The following SHANK2 variants were observed in gnomAD, a reference collection of about 807,000 sequenced individuals.
SHANK2 encodes SH3 and multiple ankyrin repeat domains protein 2.
In SHANK2, 43 loss-of-function variants were observed where a neutral mutation model predicts 133.7. That is an observed-to-expected ratio of 0.32 (90% confidence interval 0.25 to 0.41). SHANK2 has a LOEUF of 0.41. Among genes scored for constraint, SHANK2 ranks in the 10% least tolerant of loss-of-function variants. The probability of loss-of-function intolerance (pLI) is 1.00; values close to 1 mark genes in which losing one functional copy is unlikely to be tolerated. For missense variants in SHANK2, 1,994 were observed against 2,235.8 expected (o/e 0.89, Z 2.18); for synonymous variants, 1,017 against 952.8 (o/e 1.07, Z -1.24).
At chr11:70,608,515 C>A (rs1565175020) in intron 17 of SHANK2, among the ~76,000 whole-genome samples, 1 of 152,192 alleles carries the variant, frequency 6.6e-6, no homozygotes. Context: ...CCCTGAGCCT[C>A]AGCTTCTTCA....
At chr11:70,675,397 G>A (rs143703821) in intron 15 of SHANK2, among the ~76,000 whole-genome samples, 196 of 152,286 alleles carry the variant, frequency 1.3e-3, no homozygotes, top group African/African-American at 4.6e-3. Flanking sequence ...ACTTTACAGG[G>A]GAGCAAATAA....
At position 71,188,179 on chromosome 11, in the gene SHANK2, C is replaced by T. The variant is rs559229530; in HGVS notation, c.-13+36518G>A. Among the ~76,000 whole-genome samples, 6 of 152,192 alleles carry T rather than the reference C, an allele frequency of 3.9e-5. No homozygotes were observed. Among genetic ancestry groups the T allele is most frequent in the Non-Finnish European group, 7.3e-5 (5 of 68,040 alleles). On this transcript the variant is annotated intron_variant, in intron 2 of 25. Transcript: ENST00000601538. The surrounding 1 kb of genome is among the most constrained non-coding windows in gnomAD (Gnocchi z 4.6). ...CCGTTTTCCCAGCCACTCCTGAGAC[C>T]TGGTGATCTTGCCACCTCCATCTCT... is the stretch of plus-strand genomic sequence containing the variant.
chr11:71,109,053 A>T (rs782578356), intron 6 of SHANK2, among the ~76,000 whole-genome samples: 10 of 152,206 alleles, frequency 6.6e-5, no homozygotes, highest in Non-Finnish European at 1.0e-4. Context: ...TGACACCAGT[A>T]TGTGATGATG....
intron 17 of SHANK2, among the ~76,000 whole-genome samples, chr11:70,550,016 G>A (rs530073319): frequency 3.9e-5 from 6 of 152,160 alleles, no homozygotes; most frequent in Non-Finnish European, 8.8e-5. Flanking sequence ...TAGCCTCCCC[G>A]GTCCCCCAGA....
intron 17 of SHANK2, among the ~76,000 whole-genome samples, chr11:70,584,032 C>A (rs782398317): frequency 6.6e-5 from 10 of 152,192 alleles, no homozygotes; most frequent in Non-Finnish European, 1.3e-4. Flanking sequence ...CGCGAGCATG[C>A]TCCTCAAGGT....
At chr11:70,834,322 G>T (rs1480029398) in intron 11 of SHANK2, among the ~76,000 whole-genome samples, 1 of 152,206 alleles carries the variant, frequency 6.6e-6, no homozygotes, top group Non-Finnish European at 1.5e-5. Context: ...AAATACACAG[G>T]AGGTGGCTCT....
chr11:71,178,615 G>C (rs1017468502), intron 2 of SHANK2, among the ~76,000 whole-genome samples: 1 of 152,144 alleles, frequency 6.6e-6, no homozygotes. Context: ...AATTTAAAAA[G>C]TCTTTAAAAA....
chr11:71,153,405 T>C (rs1952838467), intron 2 of SHANK2, among the ~76,000 whole-genome samples: 1 of 152,042 alleles, frequency 6.6e-6, no homozygotes. Context: ...GAAAAGAAAA[T>C]CATCACAGTC....
chr11:70,563,091 G>A (rs972393734), intron 17 of SHANK2, among the ~76,000 whole-genome samples: 4 of 152,092 alleles, frequency 2.6e-5, no homozygotes, highest in South Asian at 2.1e-4. Flanking sequence ...GCATGGTCTC[G>A]ATCTCTTGAT....
intron 17 of SHANK2, among the ~76,000 whole-genome samples, chr11:70,521,260 A>T (rs2059326750): frequency 6.6e-6 from 1 of 152,170 alleles, no homozygotes; most frequent in South Asian, 2.1e-4. Context: ...TCATCTATCC[A>T]TCTATCATTA....
intron 14 of SHANK2, among the ~76,000 whole-genome samples, chr11:70,764,760 C>T (rs902059576): frequency 2.0e-5 from 3 of 151,952 alleles, no homozygotes; most frequent in Non-Finnish European, 4.4e-5. Context: ...ACACATCTGT[C>T]CATCCACTCA....
chr11:70,843,747 C>T (rs1948952143), intron 11 of SHANK2, among the ~76,000 whole-genome samples: 1 of 152,076 alleles, frequency 6.6e-6, no homozygotes, highest in Non-Finnish European at 1.5e-5. Flanking sequence ...ACCTGCAGGG[C>T]TCTCTGCACA....
intron 9 of SHANK2, among the ~76,000 whole-genome samples, chr11:71,069,847 G>C (rs1174254801): frequency 6.6e-6 from 1 of 152,170 alleles, no homozygotes; most frequent in Non-Finnish European, 1.5e-5. Flanking sequence ...TCCCATCCCT[G>C]AACAGTCTGT....
intron 13 of SHANK2, among the ~76,000 whole-genome samples, chr11:70,806,775 G>A (rs1163178949): frequency 3.9e-5 from 6 of 152,226 alleles, no homozygotes; most frequent in African/African-American, 9.6e-5. Flanking sequence ...CCCAGTGGAC[G>A]TGTCCCCTTC....
chr11:70,551,706 T>A (rs1554978089), intron 17 of SHANK2, among the ~76,000 whole-genome samples: 1 of 152,244 alleles, frequency 6.6e-6, no homozygotes, highest in East Asian at 1.9e-4. Flanking sequence ...ATATGCTCCA[T>A]CAACATGAAG....
intron 8 of SHANK2, among the ~76,000 whole-genome samples, chr11:71,087,562 C>A (rs1951435455): frequency 6.6e-6 from 1 of 152,304 alleles, no homozygotes; most frequent in East Asian, 1.9e-4. Context: ...CTGGAAAACA[C>A]AAATTCAAGC....
intron 14 of SHANK2, among the ~76,000 whole-genome samples, chr11:70,712,014 G>C (rs949880142): frequency 6.6e-6 from 1 of 152,188 alleles, no homozygotes; most frequent in East Asian, 1.9e-4. Context: ...TTACAGAGCT[G>C]CAGGCTGGAA....
Position 70,709,696 on chromosome 11 carries a change from C to T in SHANK2, c.1778-10933G>A, listed in dbSNP as rs143377618. Among the ~76,000 whole-genome samples the T allele has an allele frequency of 3.0e-4, 45 of 152,224 alleles. No homozygotes were observed. In the Middle Eastern group the frequency reaches 0.014, roughly 46 times the overall value. On this transcript the variant is annotated intron_variant, in intron 14 of 25. Coordinates refer to ENST00000601538, the MANE Select transcript of SHANK2 (RefSeq NM_012309.5). ...TTAGCGCACACACTCAGTGTTGGGC[C>T]GATGGAGCGTGTGGCCGTGGCAGAG... is the stretch of plus-strand genomic sequence containing the variant.
intron 17 of SHANK2, chr11:70,603,993 G>A (rs1591637510): frequency 1.3e-5 from 2 of 152,636 alleles, no homozygotes; most frequent in Admixed American, 6.5e-5. Flanking sequence ...AAGTAACATC[G>A]AGGGGCCCAT....
Sources: gnomAD v4.1 joint callset for allele counts (sites outside exome capture counted in the v4.1 genomes callset) on GRCh38, gnomAD v4.1.1 for gene constraint, Gnocchi (gnomAD v3.1) non-coding constraint, MANE v1.5 for transcripts, NCBI Gene and HGNC (gene_info 2026-07-23, HGNC 2026-07-21) for gene names.